RBFOX1: variants seen among roughly 807,000 people sequenced by gnomAD.
RBFOX1 encodes RNA binding protein fox-1 homolog 1.
Under a neutral mutation model 57.7 loss-of-function variants are expected in RBFOX1, and 8 were observed. That is an observed-to-expected ratio of 0.14 (90% CI 0.08 to 0.25). RBFOX1 has a LOEUF of 0.25. Among genes scored for constraint, RBFOX1 ranks in the 10% least tolerant of loss-of-function variants. The probability of loss-of-function intolerance (pLI) is 1.00; values close to 1 mark genes in which losing one functional copy is unlikely to be tolerated. For synonymous variants in RBFOX1, 326 were observed against 222.4 expected (o/e 1.47, Z -4.15); for missense variants, 611 against 548.5 (o/e 1.11, Z -1.14).
intron 3 of RBFOX1, among the ~76,000 whole-genome samples, chr16:5,856,527 A>ATG (rs1567631888): frequency 3.6e-5 from 2 of 55,288 alleles, no homozygotes; most frequent in African/African-American, 5.8e-5. Flanking sequence ...TCTCTCATTC[A>ATG]TATATGTGTA....
intron 1 of RBFOX1, among the ~76,000 whole-genome samples, chr16:5,418,049 C>T (rs905030870): frequency 1.3e-5 from 2 of 150,832 alleles, no homozygotes; most frequent in East Asian, 2.0e-4. Flanking sequence ...CCATTGCACT[C>T]CAGCCTGGGC....
At chr16:7,500,557 T>A (rs2070406945) in intron 4 of RBFOX1, among the ~76,000 whole-genome samples, 1 of 152,194 alleles carries the variant, frequency 6.6e-6, no homozygotes, top group Admixed American at 6.5e-5. Context: ...TCGGGTCATA[T>A]GGATGAAAAT....
In RBFOX1 at chr16:6,087,827, A is replaced by G. The variant is rs1388317656; in HGVS notation, c.-127+67835A>G. ...ACCACCACACCCAGTTAATTTTTGTACTTTTAGTAGAGATGGGGTTTCCCC... is the reference window on the plus strand; with the variant it reads ...ACCACCACACCCAGTTAATTTTTGTGCTTTTAGTAGAGATGGGGTTTCCCC... On this transcript the variant is annotated intron_variant, in intron 1 of 15. Transcript: ENST00000550418. Among the ~76,000 whole-genome samples, 5 of 151,748 alleles carry G rather than the reference A, an allele frequency of 3.3e-5. No individual in the cohort carries two copies. The East Asian group carries it at 9.7e-4, about 29-fold the overall frequency.
intron 2 of RBFOX1, among the ~76,000 whole-genome samples, chr16:6,634,737 GTATT>G (rs1394840264): frequency 7.2e-6 from 1 of 138,424 alleles, no homozygotes; most frequent in African/African-American, 2.6e-5. Flanking sequence ...AGATATATTT[GTATT>G]AAATATACAA....
At chr16:6,767,335 T>C (rs2077476830) in intron 3 of RBFOX1, among the ~76,000 whole-genome samples, 1 of 152,078 alleles carries the variant, frequency 6.6e-6, no homozygotes, top group Non-Finnish European at 1.5e-5. Context: ...AGCCTGAAAT[T>C]GATGGCCATT....
At position 7,378,926 on chromosome 16, in the gene RBFOX1, C is replaced by G. The variant is rs535670127; in HGVS notation, c.28-139221C>G. 3.1e-4 allele frequency among the ~76,000 whole-genome samples: 47 copies of G among 152,274 alleles called. 1 individual carries two copies. The highest frequency in any genetic ancestry group is 1.1e-3 in the African/African-American group (47 of 41,548). On this transcript the variant is annotated intron_variant, in intron 4 of 15. Coordinates refer to ENST00000550418, the MANE Select transcript of RBFOX1 (RefSeq NM_018723.4). Reference sequence around the variant, plus strand: ...ATTATCACTGTTTCACCAGAAGACACAACAGGAGAGCACACAGACCTTGAA... The same window carrying G: ...ATTATCACTGTTTCACCAGAAGACAGAACAGGAGAGCACACAGACCTTGAA...
intron 1 of RBFOX1, among the ~76,000 whole-genome samples, chr16:5,290,954 C>G (rs1003622098): frequency 2.0e-5 from 3 of 152,182 alleles, no homozygotes; most frequent in Admixed American, 2.0e-4. Context: ...CCCGCCTCAG[C>G]TTCGCAAAGT....
At chr16:6,568,124 T>C (rs2097293212) in intron 2 of RBFOX1, among the ~76,000 whole-genome samples, 1 of 152,202 alleles carries the variant, frequency 6.6e-6, no homozygotes, top group Admixed American at 6.5e-5. Flanking sequence ...AGTTATCTAA[T>C]ACCATGTAAC....
chr16:5,475,952 C>G (rs2069306769), intron 2 of RBFOX1, among the ~76,000 whole-genome samples: 1 of 152,146 alleles, frequency 6.6e-6, no homozygotes, highest in African/African-American at 2.4e-5. Flanking sequence ...TAGCTCTTAA[C>G]CATGACTGTC....
At chr16:7,577,734 G>T (rs12932186) in intron 5 of RBFOX1, among the ~76,000 whole-genome samples, 48,401 of 152,074 alleles carry the variant, frequency 0.32, 8,920 homozygotes, top group East Asian at 0.53. Flanking sequence ...TGTGACCCAG[G>T]CTCTGCAAAT....
At chr16:5,918,945 G>T (rs1050419256) in intron 4 of RBFOX1, among the ~76,000 whole-genome samples, 1 of 152,194 alleles carries the variant, frequency 6.6e-6, no homozygotes, top group African/African-American at 2.4e-5. Context: ...AAGGAAGGAA[G>T]GTGTTCCACA....
chr16:7,117,419 T>C (rs1464382962), intron 4 of RBFOX1, among the ~76,000 whole-genome samples: 2 of 152,160 alleles, frequency 1.3e-5, no homozygotes, highest in African/African-American at 4.8e-5. Context: ...TTATTAAGAG[T>C]ACAGCTTCTG....
chr16:6,892,771 T>A (rs2065780538), intron 3 of RBFOX1, among the ~76,000 whole-genome samples: 1 of 58,824 alleles, frequency 1.7e-5, no homozygotes, highest in African/African-American at 6.7e-5. Flanking sequence ...AGCCTCCCTG[T>A]CTCCCTCTCT....
intron 3 of RBFOX1, among the ~76,000 whole-genome samples, chr16:5,784,871 G>C (rs992678073): frequency 2.0e-5 from 3 of 152,058 alleles, no homozygotes; most frequent in South Asian, 2.1e-4. Flanking sequence ...TGAATCTCCC[G>C]GTGCGTTGAT....
At chr16:7,631,514 C>G (rs1244612766) in intron 11 of RBFOX1, among the ~76,000 whole-genome samples, 2 of 152,200 alleles carry the variant, frequency 1.3e-5, no homozygotes, top group African/African-American at 4.8e-5. Context: ...AAGAATCTCC[C>G]AGCCACAGCT....
At chr16:6,451,538 G>T (rs1036883900) in intron 2 of RBFOX1, among the ~76,000 whole-genome samples, 8 of 152,082 alleles carry the variant, frequency 5.3e-5, no homozygotes, top group Admixed American at 2.6e-4. Flanking sequence ...CTTCCCCAAC[G>T]TGGGGAAGAT....
chr16:5,405,097 T>A (rs866048495), intron 1 of RBFOX1, among the ~76,000 whole-genome samples: 1 of 152,230 alleles, frequency 6.6e-6, no homozygotes, highest in Admixed American at 6.5e-5. Context: ...TCATTCATCA[T>A]CACACAGCTA....
intron 1 of RBFOX1, among the ~76,000 whole-genome samples, chr16:5,427,583 TCAAAACAAAACAAAACAAAACAAAA>T (rs4039609): frequency 8.7e-5 from 13 of 148,618 alleles, no homozygotes; most frequent in Admixed American, 2.0e-4. Context: ...AGACTCTGTC[TCAAAACAAAACAAAACAAAACAAAA>T]CAAAACAAAA....
intron 4 of RBFOX1, among the ~76,000 whole-genome samples, chr16:7,137,890 T>C (rs1335497482): frequency 2.6e-5 from 4 of 152,342 alleles, no homozygotes; most frequent in East Asian, 1.9e-4. Context: ...TTGCCAGATA[T>C]TGTTTTAACT....
Sources: gnomAD v4.1 joint callset for allele counts (sites outside exome capture counted in the v4.1 genomes callset) on GRCh38, gnomAD v4.1.1 for gene constraint, MANE v1.5 for transcripts, NCBI Gene and HGNC (gene_info 2026-07-23, HGNC 2026-07-21) for gene names.